Variants in LRRC4C observed in about 807,000 individuals in gnomAD.
LRRC4C encodes leucine rich repeat containing 4C.
Under a neutral mutation model 33.6 loss-of-function variants are expected in LRRC4C, and 5 were observed. The ratio of observed to expected loss-of-function variants is 0.15; its 90% CI spans 0.08 to 0.31. The LOEUF (loss-of-function observed/expected upper bound fraction) is 0.31, where lower values mean the gene tolerates loss of function less well. Among genes scored for constraint, LRRC4C ranks in the 10% least tolerant of loss-of-function variants. The pLI is 1.00. For synonymous variants in LRRC4C, 329 were observed against 302.0 expected, an observed-to-expected ratio of 1.09 and a Z score of -0.93; for missense variants, 560 against 796.7, an observed-to-expected ratio of 0.70 and a Z score of 3.58.
chr11:40,171,615 TAA>T (rs1440017633), intron 5 of LRRC4C, among the ~76,000 whole-genome samples: 1 of 151,980 alleles, frequency 6.6e-6, no homozygotes, highest in Non-Finnish European at 1.5e-5. Flanking sequence ...CTCCTAGAAA[TAA>T]AGAGAGGAAA....
intron 2 of LRRC4C, among the ~76,000 whole-genome samples, chr11:40,888,849 C>A (rs1175666241): frequency 1.3e-5 from 2 of 151,886 alleles, no homozygotes; most frequent in South Asian, 4.1e-4. Flanking sequence ...CCCTGTGCTG[C>A]CAATAAAATT....
chr11:40,359,081 GA>G (rs1427613814), intron 3 of LRRC4C, among the ~76,000 whole-genome samples: 5 of 152,154 alleles, frequency 3.3e-5, no homozygotes, highest in African/African-American at 1.2e-4. Flanking sequence ...GAAAAAAAAG[GA>G]AAGCTGGTGT....
intron 1 of LRRC4C, among the ~76,000 whole-genome samples, chr11:40,991,189 C>G (rs1401359552): frequency 3.1e-5 from 4 of 127,770 alleles, no homozygotes; most frequent in African/African-American, 1.2e-4. Context: ...GTGAACCTGG[C>G]AGCTTCCCAA....
intron 1 of LRRC4C, among the ~76,000 whole-genome samples, chr11:41,223,250 A>G (rs962637932): frequency 1.3e-5 from 2 of 152,182 alleles, no homozygotes; most frequent in Non-Finnish European, 2.9e-5. Context: ...TGTGAGGTTT[A>G]TTTGATGGCT....
At chr11:40,405,574 A>G (rs537400969) in intron 3 of LRRC4C, among the ~76,000 whole-genome samples, 1 of 144,686 alleles carries the variant, frequency 6.9e-6, no homozygotes, top group East Asian at 2.1e-4. Flanking sequence ...GAGGCAGAGC[A>G]CTGCAGCCTG....
At chr11:41,068,640 C>T (rs1938441658) in intron 1 of LRRC4C, among the ~76,000 whole-genome samples, 1 of 152,088 alleles carries the variant, frequency 6.6e-6, no homozygotes, top group Non-Finnish European at 1.5e-5. Context: ...AATTCCTAGA[C>T]ACATACACCC....
At chr11:41,128,595 A>G (rs1046850941) in intron 1 of LRRC4C, among the ~76,000 whole-genome samples, 9 of 152,040 alleles carry the variant, frequency 5.9e-5, no homozygotes, top group African/African-American at 2.2e-4. Context: ...GAGACCAAAT[A>G]CTTAAGATTG....
chr11:41,244,736 C>G (rs927088794), intron 1 of LRRC4C, among the ~76,000 whole-genome samples: 3 of 152,282 alleles, frequency 2.0e-5, no homozygotes, highest in Admixed American at 1.3e-4. Context: ...CTTACTGTAT[C>G]TGCCTGCCAA....
At chr11:41,013,267 A>G (rs893157475) in intron 1 of LRRC4C, among the ~76,000 whole-genome samples, 1 of 152,176 alleles carries the variant, frequency 6.6e-6, no homozygotes, top group Non-Finnish European at 1.5e-5. Context: ...CATTGTATCC[A>G]CTGCTTTTAA....
chr11:40,775,790 T>G (rs896066632), intron 2 of LRRC4C, among the ~76,000 whole-genome samples: 1 of 152,240 alleles, frequency 6.6e-6, no homozygotes, highest in Admixed American at 6.5e-5. Context: ...CTGATTGTTC[T>G]TGCTTGGACT....
At chr11:41,037,337 T>G (rs1857141938) in intron 1 of LRRC4C, among the ~76,000 whole-genome samples, 1 of 151,984 alleles carries the variant, frequency 6.6e-6, no homozygotes, top group African/African-American at 2.4e-5. Context: ...ATTTTCTTAT[T>G]TATTTTTTTG....
chr11:40,181,498 A>G lies in LRRC4C; in HGVS notation c.-95-40645T>C, dbSNP rs1011480479. On this transcript the variant is annotated intron_variant, in intron 5 of 6. Transcript: ENST00000528697. ...GGGTACACTACAAATTAGGAAAACA[A>G]GGTCAGTGTAGCATTCACATTCAAT... Among the ~76,000 whole-genome samples the G allele has an allele frequency of 2.0e-5, 3 of 152,282 alleles. No individual in the cohort carries two copies. The East Asian group carries it at 5.8e-4, about 29-fold the overall frequency.
intron 1 of LRRC4C, among the ~76,000 whole-genome samples, chr11:41,061,563 C>A (rs1937768901): frequency 6.6e-6 from 1 of 152,170 alleles, no homozygotes; most frequent in African/African-American, 2.4e-5. Flanking sequence ...CACTCTAATA[C>A]AATATGACCA....
At chr11:41,454,009 T>C (rs948028238) in intron 1 of LRRC4C, among the ~76,000 whole-genome samples, 1 of 152,134 alleles carries the variant, frequency 6.6e-6, no homozygotes, top group African/African-American at 2.4e-5. Context: ...GCATGGATCT[T>C]GTCTTTCTTC....
chr11:41,344,313 C>A (rs544795446), intron 1 of LRRC4C, among the ~76,000 whole-genome samples: 1 of 151,340 alleles, frequency 6.6e-6, no homozygotes, highest in South Asian at 2.1e-4. Flanking sequence ...TGCAACCTCC[C>A]GGGTTCATGC....
intron 1 of LRRC4C, among the ~76,000 whole-genome samples, chr11:41,390,518 A>T (rs1267173629): frequency 6.6e-6 from 1 of 151,906 alleles, no homozygotes; most frequent in African/African-American, 2.4e-5. Flanking sequence ...AAGTTTCTTC[A>T]GCATTCCTAA....
chr11:41,451,873 A>G (rs1334231938), intron 1 of LRRC4C, among the ~76,000 whole-genome samples: 1 of 152,018 alleles, frequency 6.6e-6, no homozygotes, highest in Non-Finnish European at 1.5e-5. Flanking sequence ...TGAAGAAGGG[A>G]GAGTAGAGTT....
At chr11:40,761,758 G>A (rs1949222375) in intron 2 of LRRC4C, among the ~76,000 whole-genome samples, 1 of 152,120 alleles carries the variant, frequency 6.6e-6, no homozygotes, top group Non-Finnish European at 1.5e-5. Flanking sequence ...TTGGTCAGCT[G>A]CTGTATCTTA....
intron 3 of LRRC4C, among the ~76,000 whole-genome samples, chr11:40,456,594 A>T (rs1240913034): frequency 1.3e-5 from 2 of 152,098 alleles, no homozygotes; most frequent in Non-Finnish European, 2.9e-5. Context: ...GAGAAAAGAG[A>T]GGGAGAGAAA....
Sources: allele counts gnomAD v4.1 joint callset (sites outside exome capture counted in the v4.1 genomes callset), GRCh38; gene constraint gnomAD v4.1.1; transcripts MANE v1.5; gene names NCBI Gene and HGNC (gene_info 2026-07-23, HGNC 2026-07-21).